Variants in CLYBL observed in about 807,000 individuals in gnomAD.
CLYBL encodes the protein citramalyl-CoA lyase.
In CLYBL, 31 loss-of-function variants were observed where a neutral mutation model predicts 38.9. That is an observed-to-expected ratio of 0.80 (90% CI 0.60 to 1.08). The LOEUF is 1.08. CLYBL is among the 50% of genes least tolerant of loss of function. The pLI is 0.00. For synonymous variants in CLYBL, 171 were observed against 158.6 expected (o/e 1.08, Z -0.59); for missense variants, 434 against 411.6 (o/e 1.05, Z -0.47).
chr13:99,880,940 G>A (rs1314059722), intron 7 of CLYBL, among the ~76,000 whole-genome samples: 1 of 152,140 alleles, frequency 6.6e-6, no homozygotes, highest in African/African-American at 2.4e-5. Flanking sequence ...CCTCCTGCAC[G>A]ACCCCCAAAC....
intron 1 of CLYBL, among the ~76,000 whole-genome samples, chr13:99,743,011 GC>G (rs1451634528): frequency 6.7e-6 from 1 of 149,774 alleles, no homozygotes; most frequent in Non-Finnish European, 1.5e-5. Context: ...AGGGTAGCGG[GC>G]TTTTTGTTTG....
chr13:99,821,348 C>T (rs888318788), intron 2 of CLYBL, among the ~76,000 whole-genome samples: 3 of 152,202 alleles, frequency 2.0e-5, no homozygotes, highest in South Asian at 2.1e-4. Flanking sequence ...AGCACCTAAC[C>T]GTGCCTGGCA....
At chr13:99,876,174 C>G (rs2052036196) in intron 7 of CLYBL, among the ~76,000 whole-genome samples, 1 of 147,202 alleles carries the variant, frequency 6.8e-6, no homozygotes, top group Non-Finnish European at 1.5e-5. Context: ...GTAATCCCAG[C>G]ACTTTGAGAG....
chr13:99,848,431 C>T lies in CLYBL; in HGVS notation c.250-10430C>T, dbSNP rs189086872. 4.2e-3 allele frequency among the ~76,000 whole-genome samples: 641 copies of T among 152,248 alleles called. 6 individuals are homozygous for T. The highest frequency in any genetic ancestry group is 0.013 in the African/African-American group (554 of 41,544). On this transcript the variant is annotated intron_variant, in intron 2 of 8. Coordinates refer to ENST00000339105, the MANE Select transcript of CLYBL (RefSeq NM_206808.5). ...TCTGGATAAAAAGTTTTAAATGTAC[C>T]AGACCAGCATCATCAGGCAGAATCT... is the stretch of plus-strand genomic sequence containing the variant.
intron 1 of CLYBL, among the ~76,000 whole-genome samples, chr13:99,715,108 G>A (rs536844814): frequency 5.3e-5 from 8 of 152,224 alleles, no homozygotes; most frequent in Non-Finnish European, 1.0e-4. Flanking sequence ...TTGTTCTCCT[G>A]GGCTCTTCTG....
intron 2 of CLYBL, among the ~76,000 whole-genome samples, chr13:99,842,939 AT>A (rs71215546): frequency 0.013 from 1,950 of 151,094 alleles, 57 homozygotes; most frequent in East Asian, 0.072. Flanking sequence ...AAAAAAAGGC[AT>A]TTTTTTTTAA....
chr13:99,868,849 G>A (rs1360560114), intron 6 of CLYBL, among the ~76,000 whole-genome samples: 1 of 152,142 alleles, frequency 6.6e-6, no homozygotes, highest in Non-Finnish European at 1.5e-5. Flanking sequence ...AAGCACTATA[G>A]GTTTTCTTCT....
chr13:99,726,883 G>A (rs1775444728), intron 1 of CLYBL, among the ~76,000 whole-genome samples: 1 of 152,152 alleles, frequency 6.6e-6, no homozygotes, highest in South Asian at 2.1e-4. Flanking sequence ...TTTTGACTGG[G>A]CACAGTGACT....
intron 1 of CLYBL, among the ~76,000 whole-genome samples, chr13:99,683,683 T>A (rs551676444): frequency 6.6e-6 from 1 of 151,742 alleles, no homozygotes; most frequent in South Asian, 2.1e-4. Flanking sequence ...GTGATAACAA[T>A]GCCTTCTTCT....
chr13:99,666,878 T>G (rs2047489460), intron 1 of CLYBL, among the ~76,000 whole-genome samples: 1 of 152,176 alleles, frequency 6.6e-6, no homozygotes. Flanking sequence ...TGGTGGTATT[T>G]GGGCTGCTCT....
At chr13:99,771,718 A>G (rs1448315721) in intron 1 of CLYBL, among the ~76,000 whole-genome samples, 3 of 152,142 alleles carry the variant, frequency 2.0e-5, no homozygotes, top group Non-Finnish European at 4.4e-5. Flanking sequence ...TAGGCAAGGG[A>G]AAGAAAGAGC....
rs7322080 is a variant in CLYBL at position 99,813,878 on chromosome 13, A to G, written c.249+40868A>G. Among the ~76,000 whole-genome samples, 633 of 152,256 alleles carry G rather than the reference A, an allele frequency of 4.2e-3. 8 individuals are homozygous for G. Among genetic ancestry groups the G allele is most frequent in the African/African-American group, 0.014 (564 of 41,538 alleles). On this transcript the variant is annotated intron_variant, in intron 2 of 8. Coordinates refer to ENST00000339105, the MANE Select transcript of CLYBL (RefSeq NM_206808.5). ...ATCATAGCCCAATAAGCTACTTAAA[A>G]TGGAAAAGTCCATAGGCCATCCCCG... is the stretch of plus-strand genomic sequence containing the variant.
chr13:99,707,150 G>A (rs1007519584), intron 1 of CLYBL, among the ~76,000 whole-genome samples: 2 of 152,114 alleles, frequency 1.3e-5, no homozygotes, highest in Admixed American at 6.5e-5. Context: ...AATGAGTAAC[G>A]TGAAGGCTGA....
At chr13:99,617,616 G>A (rs1244336760) in intron 1 of CLYBL, among the ~76,000 whole-genome samples, 1 of 144,040 alleles carries the variant, frequency 6.9e-6, no homozygotes, top group Non-Finnish European at 1.5e-5. Flanking sequence ...TCTGCAGTCT[G>A]CAGGCTGCCC....
intron 1 of CLYBL, among the ~76,000 whole-genome samples, chr13:99,677,179 C>A (rs1470071648): frequency 6.6e-6 from 1 of 152,128 alleles, no homozygotes. Context: ...GGGAGAGAAT[C>A]TACCTGCATT....
intron 1 of CLYBL, among the ~76,000 whole-genome samples, chr13:99,743,274 C>G (rs376175485): frequency 1.3e-5 from 2 of 152,092 alleles, no homozygotes; most frequent in African/African-American, 4.8e-5. Flanking sequence ...ATTGTAACCG[C>G]GAATGATGGG....
chr13:99,651,223 C>T (rs1160376834), intron 1 of CLYBL, among the ~76,000 whole-genome samples: 3 of 152,270 alleles, frequency 2.0e-5, no homozygotes, highest in Non-Finnish European at 4.4e-5. Context: ...CATAGCGCTA[C>T]TGCTGGTACC....
At chr13:99,704,356 G>A (rs2048114965) in intron 1 of CLYBL, among the ~76,000 whole-genome samples, 1 of 152,086 alleles carries the variant, frequency 6.6e-6, no homozygotes, top group African/African-American at 2.4e-5. Context: ...TTCTCTTTTT[G>A]GAAGTCCAGT....
intron 8 of CLYBL, among the ~76,000 whole-genome samples, chr13:99,904,299 G>C (rs1172687454): frequency 6.6e-6 from 1 of 152,138 alleles, no homozygotes; most frequent in Non-Finnish European, 1.5e-5. Context: ...CCCAGACCTC[G>C]AAAGGCGAAA....
Sources: allele counts gnomAD v4.1 joint callset (sites outside exome capture counted in the v4.1 genomes callset), GRCh38; gene constraint gnomAD v4.1.1; transcripts MANE v1.5; gene names NCBI Gene and HGNC (gene_info 2026-07-23, HGNC 2026-07-21).